Variants in NSD2 observed in about 807,000 individuals in gnomAD.
The protein encoded by NSD2 is histone-lysine N-methyltransferase NSD2.
NSD2 carries 12 observed loss-of-function variants against 139.0 expected under a neutral mutation model. The observed-to-expected ratio is 0.09, with a 90% CI of 0.06 to 0.14. The LOEUF (loss-of-function observed/expected upper bound fraction) is 0.14, where lower values mean the gene tolerates loss of function less well. Ranked by LOEUF, NSD2 falls within the 10% of genes least tolerant of loss-of-function variation. The pLI is 1.00. For missense variants in NSD2, 1,155 were observed against 1,745.0 expected (o/e 0.66, Z 6.02); for synonymous variants, 669 against 648.7 (o/e 1.03, Z -0.48).
At chr4:1,954,051 T>G (rs953684289) in intron 12 of NSD2, among the ~76,000 whole-genome samples, 1 of 151,230 alleles carries the variant, frequency 6.6e-6, no homozygotes, top group African/African-American at 2.4e-5. Flanking sequence ...AGTGGCACGA[T>G]CTCAGCTCAC....
intron 9 of NSD2, 194 bp downstream of exon 9, chr4:1,939,972 G>A: frequency 7.0e-7 from 1 of 1,437,396 alleles, no homozygotes; most frequent in African/African-American, 1.4e-5. Flanking sequence ...GTTTATTTGA[G>A]CACTTTTTAT....
intron 9 of NSD2, chr4:1,946,242 G>A (rs1344618380): frequency 1.0e-6 from 1 of 1,002,734 alleles, no homozygotes; most frequent in Non-Finnish European, 1.2e-6. Flanking sequence ...AAATTTGGGG[G>A]GTCTTGCATT....
At chr4:1,874,848 G>A (rs892358119) in intron 1 of NSD2, among the ~76,000 whole-genome samples, 2 of 152,236 alleles carry the variant, frequency 1.3e-5, no homozygotes, top group East Asian at 3.8e-4. Flanking sequence ...TAAACTGTAT[G>A]ATTTGCTAAT....
chr4:1,926,182 G>A (rs1218019295), intron 5 of NSD2, among the ~76,000 whole-genome samples: 2 of 135,498 alleles, frequency 1.5e-5, no homozygotes, highest in Non-Finnish European at 3.1e-5. Context: ...TTAAGACGTA[G>A]TCTCGCACTG....
rs1727692295 is a variant in NSD2 at position 1,980,869 on chromosome 4, G to C, written c.*1960G>C. 4.3e-6 allele frequency: 1 copy of C among 233,218 alleles called. No individual in the cohort carries two copies. Among genetic ancestry groups the C allele is most frequent in the East Asian group, 6.0e-5 (1 of 16,584 alleles). 14.4% of individuals were successfully genotyped at this position (233,218 alleles called of 1,614,324 possible). On this transcript the variant is annotated 3_prime_UTR_variant, in exon 22 of 22. Coordinates refer to ENST00000508803, the MANE Select transcript of NSD2 (RefSeq NM_001042424.3). ...AGTGTCCTAAGAAAATACTGGATCG[G>C]CTCATAGATTTATGCTCCTTATGAT...
intron 7 of NSD2, 29 bp downstream of exon 7, chr4:1,935,291 G>T: frequency 6.4e-7 from 1 of 1,567,470 alleles, no homozygotes; most frequent in Non-Finnish European, 8.8e-7. Context: ...TGCTTGACCT[G>T]TCAGAGTGTA....
chr4:1,922,775 A>T (rs1460007105), intron 5 of NSD2, among the ~76,000 whole-genome samples: 1 of 152,186 alleles, frequency 6.6e-6, no homozygotes, highest in African/African-American at 2.4e-5. Context: ...AAAATATAGA[A>T]ATTAGTTGGG....
At chr4:1,934,847 TAAAAAAAAAAAAAAAAAAAA>T (rs34096276) in intron 6 of NSD2, among the ~76,000 whole-genome samples, 4 of 20,712 alleles carry the variant, frequency 1.9e-4, no homozygotes, top group African/African-American at 7.7e-4. Context: ...GACTCCATCT[TAAAAAAAAAAAAAAAAAAAA>T]AAAAAAAAAA....
chr4:1,957,869 G>A (rs1384415018), intron 15 of NSD2, 64 bp from the exon 16 acceptor site: 6 of 1,426,274 alleles, frequency 4.2e-6, no homozygotes, highest in African/African-American at 2.9e-5. Flanking sequence ...ATAAAAATAT[G>A]GAGCTTGAAA....
chr4:1,885,581 A>C (rs1715026196), intron 1 of NSD2, among the ~76,000 whole-genome samples: 2 of 151,752 alleles, frequency 1.3e-5, no homozygotes, highest in Non-Finnish European at 2.9e-5. Context: ...GCCTCTGGGG[A>C]GTCTCAAGTG....
At chr4:1,931,782 T>G (rs1299769682) in intron 6 of NSD2, among the ~76,000 whole-genome samples, 1 of 152,190 alleles carries the variant, frequency 6.6e-6, no homozygotes, top group Non-Finnish European at 1.5e-5. Context: ...TACTATAATT[T>G]AGAATAGCAA....
intron 5 of NSD2, among the ~76,000 whole-genome samples, chr4:1,925,658 C>G (rs1281373735): frequency 6.6e-6 from 1 of 151,782 alleles, no homozygotes; most frequent in Non-Finnish European, 1.5e-5. Flanking sequence ...CTTGGCCTCC[C>G]AAAGTCCTGG....
rs538497124 is a variant in NSD2, at chr4:1,893,553, T to G, written c.-29-7073T>G. On this transcript the variant is annotated intron_variant, in intron 1 of 21. Transcript: ENST00000508803. ...CTTTTTTTGTTTTTTGTTTTTTTTT[T>G]TTTTTTGTTTTGTTTTGAGACAAGG... 6.1e-4 allele frequency among the ~76,000 whole-genome samples: 84 copies of G among 137,078 alleles called. 1 individual carries two copies. The highest frequency in any genetic ancestry group is 5.8e-3 in the Admixed American group (81 of 14,086). 89.9% of individuals were successfully genotyped at this position (137,078 alleles called of 152,430 possible). A position where few individuals can be genotyped will look rare whatever the true frequency, so the allele number is the denominator to read the frequency against.
At chr4:1,923,157 A>G (rs765748609) in intron 5 of NSD2, among the ~76,000 whole-genome samples, 1 of 151,822 alleles carries the variant, frequency 6.6e-6, no homozygotes, top group African/African-American at 2.4e-5. Flanking sequence ...AGCCAAACTA[A>G]TAACAGGCTA....
chr4:1,878,887 C>T (rs542775564), intron 1 of NSD2, among the ~76,000 whole-genome samples: 23 of 152,244 alleles, frequency 1.5e-4, no homozygotes, highest in Admixed American at 3.3e-4. Context: ...CAGCATTGCC[C>T]GGACTGGGCC....
chr4:1,921,627 C>A (rs747932211), intron 5 of NSD2, among the ~76,000 whole-genome samples: 10 of 149,304 alleles, frequency 6.7e-5, no homozygotes, highest in East Asian at 2.0e-4. Flanking sequence ...ACTAAAAATA[C>A]AAAATTTTAC....
chr4:1,938,180 C>T (rs1560705545), intron 7 of NSD2, among the ~76,000 whole-genome samples: 1 of 152,152 alleles, frequency 6.6e-6, no homozygotes, highest in African/African-American at 2.4e-5. Flanking sequence ...GCCCTCCTGA[C>T]AGATGCGAGA....
At chr4:1,930,001 G>T (rs770647758) in intron 5 of NSD2, among the ~76,000 whole-genome samples, 47 of 152,184 alleles carry the variant, frequency 3.1e-4, no homozygotes, top group Non-Finnish European at 5.7e-4. Context: ...CTGGTAGGCA[G>T]GTTGGGGTGG....
At chr4:1,947,937 C>A in intron 9 of NSD2, 1 of 1,056,892 alleles carries the variant, frequency 9.5e-7, no homozygotes, top group African/African-American at 1.6e-5. Flanking sequence ...GACTGCGGCT[C>A]ATACAGGTCA....
Sources: allele counts gnomAD v4.1 joint callset (sites outside exome capture counted in the v4.1 genomes callset), GRCh38; gene constraint gnomAD v4.1.1; transcripts MANE v1.5; gene names NCBI Gene and HGNC (gene_info 2026-07-23, HGNC 2026-07-21).